The following DLG5 variants were observed in gnomAD, a reference collection of about 807,000 sequenced individuals.
DLG5 encodes the protein disks large homolog 5.
DLG5 carries 48 observed loss-of-function variants against 189.8 expected under a neutral mutation model. That is an observed-to-expected ratio of 0.25 (90% CI 0.20 to 0.32). The LOEUF is 0.32. DLG5 is among the 10% of genes least tolerant of loss of function. The pLI is 1.00. For synonymous variants in DLG5, 1,016 were observed against 1,054.1 expected, an observed-to-expected ratio of 0.96 and a Z score of 0.70; for missense variants, 2,160 against 2,544.7, an observed-to-expected ratio of 0.85 and a Z score of 3.25.
At chr10:77,845,828 A>G (rs1843660397) in intron 5 of DLG5, among the ~76,000 whole-genome samples, 1 of 152,110 alleles carries the variant, frequency 6.6e-6, no homozygotes, top group Non-Finnish European at 1.5e-5. Flanking sequence ...CAGGCAGTCA[A>G]AATCTTCACT....
intron 24 of DLG5, among the ~76,000 whole-genome samples, chr10:77,808,196 C>A (rs926490837): frequency 6.6e-6 from 1 of 152,248 alleles, no homozygotes. Context: ...CCAGGAAAAA[C>A]CCTGTTCTGG....
chr10:77,835,996 G>C (rs1452008969), intron 7 of DLG5, 74 bp from the exon 8 acceptor site: 11 of 1,495,028 alleles, frequency 7.4e-6, no homozygotes, highest in African/African-American at 1.4e-5. Flanking sequence ...CCACCAGTGC[G>C]GGGGCCAAGG....
the DLG5 span, among the ~76,000 whole-genome samples, chr10:77,934,371 C>CAAAAA: frequency 2.1e-5 from 2 of 96,306 alleles, no homozygotes; most frequent in Non-Finnish European, 4.0e-5. Context: ...AACTCCATCT[C>CAAAAA]AAAAAAAAAA....
chr10:77,891,060 G>C (rs548066472), intron 1 of DLG5, among the ~76,000 whole-genome samples: 1 of 152,016 alleles, frequency 6.6e-6, no homozygotes, highest in Non-Finnish European at 1.5e-5. Flanking sequence ...CATCCCAACC[G>C]ACCCTTCAGG....
At chr10:77,917,164 G>A (rs778215610) in intron 1 of DLG5, among the ~76,000 whole-genome samples, 5 of 151,440 alleles carry the variant, frequency 3.3e-5, no homozygotes, top group African/African-American at 7.3e-5. Context: ...GCAAAGCCCC[G>A]TCTCTTAAAA....
chr10:77,862,906 G>A (rs1283744119), intron 2 of DLG5, among the ~76,000 whole-genome samples: 1 of 152,130 alleles, frequency 6.6e-6, no homozygotes, highest in Non-Finnish European at 1.5e-5. Flanking sequence ...TGGCTGCCAA[G>A]GACTGAAGGT....
At chr10:77,937,591 C>T in the DLG5 span, among the ~76,000 whole-genome samples, 70 of 152,144 alleles carry the variant, frequency 4.6e-4, no homozygotes, top group African/African-American at 1.5e-3. Flanking sequence ...TCTTTCTGTT[C>T]TTTAGGTCTC....
chr10:77,925,946 T>C (rs1242160578), intron 1 of DLG5, among the ~76,000 whole-genome samples: 1 of 152,152 alleles, frequency 6.6e-6, no homozygotes. Flanking sequence ...TACCCGCTAC[T>C]GGACCTGGTG....
intron 20 of DLG5, among the ~76,000 whole-genome samples, chr10:77,815,614 T>C (rs559406510): frequency 5.3e-5 from 8 of 152,242 alleles, no homozygotes; most frequent in African/African-American, 1.7e-4. Context: ...TGAGCCAAGA[T>C]TGCACCACTG....
At chr10:77,815,228 A>G (rs1011055137) in intron 20 of DLG5, among the ~76,000 whole-genome samples, 1 of 152,238 alleles carries the variant, frequency 6.6e-6, no homozygotes, top group African/African-American at 2.4e-5. Flanking sequence ...GCCACATGGT[A>G]AGAGCTCCGT....
In DLG5 at chr10:77,869,208, A is replaced by G. The variant is rs1844804121; in HGVS notation, c.305-11T>C. On this transcript the variant is annotated splice_polypyrimidine_tract_variant and intron_variant, in intron 1 of 31. Coordinates refer to ENST00000372391, the MANE Select transcript of DLG5 (RefSeq NM_004747.4). ...CGCTGTAGGTAGAACCTGGGGAAAG[A>G]GGGGAGACCATGTTACTAACCCCAA... is the stretch of plus-strand genomic sequence containing the variant. 3 of 1,613,384 alleles carry G rather than the reference A, an allele frequency of 1.9e-6. No homozygotes were observed. Among genetic ancestry groups the G allele is most frequent in the Non-Finnish European group, 8.5e-7 (1 of 1,179,646 alleles).
chr10:77,812,452 G>C lies in DLG5; in HGVS notation c.4026-75C>G, dbSNP rs927347637. Reference sequence around the variant, plus strand: ...GGGGAGAGCCTGAGCTCTCTGATCAGGCATATGATCTGACAGTGCAGAAAG... The same window carrying C: ...GGGGAGAGCCTGAGCTCTCTGATCACGCATATGATCTGACAGTGCAGAAAG... On this transcript the variant is annotated intron_variant, in intron 20 of 31. Transcript: ENST00000372391. The C allele has an allele frequency of 2.0e-6, 3 of 1,526,110 alleles. No homozygotes were observed. The African/African-American group carries it at 4.1e-5, about 21-fold the overall frequency. The allele number at this position is 1,526,110 out of a possible 1,614,324, so 94.5% of individuals were successfully genotyped here.
At chr10:77,920,177 A>C (rs958424711) in intron 1 of DLG5, among the ~76,000 whole-genome samples, 1 of 152,200 alleles carries the variant, frequency 6.6e-6, no homozygotes, top group African/African-American at 2.4e-5. Flanking sequence ...GCTGTCTACT[A>C]CTGCCACTGT....
chr10:77,897,765 GATCT>G (rs1001522508), intron 1 of DLG5, among the ~76,000 whole-genome samples: 2 of 150,566 alleles, frequency 1.3e-5, no homozygotes, highest in Non-Finnish European at 3.0e-5. Context: ...AAAAGAAAAA[GATCT>G]ATCATATAAT....
At chr10:77,935,544 G>C in the DLG5 span, among the ~76,000 whole-genome samples, 1 of 151,476 alleles carries the variant, frequency 6.6e-6, no homozygotes, top group Admixed American at 6.6e-5. Context: ...ATAAGCTACA[G>C]CTGCTCCCTG....
chr10:77,939,108 A>G, the DLG5 span, among the ~76,000 whole-genome samples: 276 of 152,352 alleles, frequency 1.8e-3, 1 homozygote, highest in African/African-American at 6.3e-3. Flanking sequence ...TGAACCCGGG[A>G]GGCAGAGGTT....
chr10:77,915,766 G>A (rs1379562061), intron 1 of DLG5, among the ~76,000 whole-genome samples: 1 of 152,228 alleles, frequency 6.6e-6, no homozygotes, highest in Non-Finnish European at 1.5e-5. Context: ...ATTTGAGACT[G>A]AAAAACCAAA....
intron 9 of DLG5, 57 bp downstream of exon 9, chr10:77,833,856 GA>G: frequency 6.3e-7 from 1 of 1,589,584 alleles, no homozygotes; most frequent in Non-Finnish European, 8.5e-7. Context: ...CCAGAAGGGA[GA>G]GGGGCCCCAG....
upstream of DLG5, chr10:77,927,027 C>T (rs1248567141): frequency 9.9e-6 from 3 of 302,096 alleles, no homozygotes; most frequent in Non-Finnish European, 2.0e-5. Context: ...GCCTCGGCCC[C>T]CGTGCACCCC....
Sources: gnomAD v4.1 joint callset for allele counts (sites outside exome capture counted in the v4.1 genomes callset) on GRCh38, gnomAD v4.1.1 for gene constraint, MANE v1.5 for transcripts, NCBI Gene and HGNC (gene_info 2026-07-23, HGNC 2026-07-21) for gene names.